Variants in MINDY1 observed in about 807,000 individuals in gnomAD.
MINDY1 encodes the protein MINDY lysine 48 deubiquitinase 1, also known as ubiquitin carboxyl-terminal hydrolase MINDY-1.
MINDY1 carries 50 observed loss-of-function variants against 53.6 expected under a neutral mutation model. That is an observed-to-expected ratio of 0.93 (90% confidence interval 0.74 to 1.18). The LOEUF is 1.18. Among genes scored for constraint, MINDY1 ranks in the 50% most tolerant of loss-of-function variants. The pLI is 0.00. For synonymous variants in MINDY1, 231 were observed against 234.7 expected (o/e 0.98, Z 0.14); for missense variants, 484 against 578.6 (o/e 0.84, Z 1.68).
Position 150,999,292 on chromosome 1 carries a change from G to T in MINDY1, c.981+77C>A. 2.5e-6 allele frequency: 4 copies of T among 1,583,366 alleles called. No individual in the cohort carries two copies. Among genetic ancestry groups the T allele is most frequent in the Non-Finnish European group, 3.4e-6 (4 of 1,160,108 alleles). On this transcript the variant is annotated intron_variant, in intron 7 of 9. Transcript: ENST00000683666. This position sits in a 1 kb window ranked among gnomAD's most constrained non-coding sequence, Gnocchi z 4.4. ...CTTGCTACCACGGCTTAATCTAGCT[G>T]ATCCCAGCTGGACCCACGAGAAAAA...
In MINDY1 at chr1:151,006,623, G is replaced by A. The variant is rs939155337; in HGVS notation, c.-401C>T. ...CGCCGAGTCTATGGCATGCGCTCCGGGCCCTGACTACAAGCTGGTTTTCAA... is the reference window on the plus strand; with the variant it reads ...CGCCGAGTCTATGGCATGCGCTCCGAGCCCTGACTACAAGCTGGTTTTCAA... On this transcript the variant is annotated 5_prime_UTR_variant, in exon 1 of 10. Coordinates refer to ENST00000683666, the MANE Select transcript of MINDY1 (RefSeq NM_001376665.1). The A allele has an allele frequency of 2.0e-6, 2 of 987,870 alleles. No individual in the cohort carries two copies. Among genetic ancestry groups the A allele is most frequent in the African/African-American group, 1.7e-5 (1 of 57,302 alleles). The allele number at this position is 987,870 out of a possible 1,614,324, so 61.2% of individuals were successfully genotyped here. A position where few individuals can be genotyped will look rare whatever the true frequency, so the allele number is the denominator to read the frequency against.
chr1:151,006,613 A>G lies in MINDY1; in HGVS notation c.-391T>C, dbSNP rs927414146. 1.2e-5 allele frequency: 12 copies of G among 988,960 alleles called. No individual in the cohort carries two copies. Among genetic ancestry groups the G allele is most frequent in the Non-Finnish European group, 1.4e-5 (12 of 832,366 alleles). 61.3% of individuals were successfully genotyped at this position (988,960 alleles called of 1,614,324 possible). A position where few individuals can be genotyped will look rare whatever the true frequency, so the allele number is the denominator to read the frequency against. On this transcript the variant is annotated 5_prime_UTR_variant, in exon 1 of 10. It removes an upstream start codon present in the reference 5' UTR. Coordinates refer to ENST00000683666, the MANE Select transcript of MINDY1 (RefSeq NM_001376665.1). ...ATTCCTGAGTCGCCGAGTCTATGGCATGCGCTCCGGGCCCTGACTACAAGC... is the reference window on the plus strand; with the variant it reads ...ATTCCTGAGTCGCCGAGTCTATGGCGTGCGCTCCGGGCCCTGACTACAAGC...
Position 150,999,812 on chromosome 1 carries a change from T to G in MINDY1, c.838+50A>C. On this transcript the variant is annotated intron_variant, in intron 6 of 9. Coordinates refer to ENST00000683666, the MANE Select transcript of MINDY1 (RefSeq NM_001376665.1). This position sits in a 1 kb window ranked among gnomAD's most constrained non-coding sequence, Gnocchi z 4.4. ...ACACCCAATAAAAAATAAGCCTAAG[T>G]AGCTGTCATTCCCTCCACATACTAT... is the stretch of plus-strand genomic sequence containing the variant. 1 of 1,509,180 alleles carries G rather than the reference T, an allele frequency of 6.6e-7. No individual in the cohort carries two copies. Among genetic ancestry groups the G allele is most frequent in the Non-Finnish European group, 9.2e-7 (1 of 1,086,990 alleles). The allele number at this position is 1,509,180 out of a possible 1,614,324, so 93.5% of individuals were successfully genotyped here.
In MINDY1 at chr1:151,002,357, T is replaced by A; in HGVS notation, c.261A>T (p.Glu87Asp). ...TGGAGCATGCCCTTATTGTCTCTACTTCAGGCAGTGTCCCAAGGGTTGGCC... is the reference window on the plus strand; with the variant it reads ...TGGAGCATGCCCTTATTGTCTCTACATCAGGCAGTGTCCCAAGGGTTGGCC... The part of the protein sequence containing the change: ...PPGPTLGTLP[E>D]VETIRACSMP... The change falls in exon 2 of 10, where the codon GAA (glutamate) becomes GAT (aspartate). Residue 87 changes from glutamate (E) to aspartate (D), a missense_variant. Physicochemically the swap from Glu to Asp is conservative, Grantham distance 45. Coordinates refer to ENST00000683666, the MANE Select transcript of MINDY1 (RefSeq NM_001376665.1). The surrounding 1 kb of genome is among the most constrained non-coding windows in gnomAD (Gnocchi z 4.1). 1 of 1,614,178 alleles carries A rather than the reference T, an allele frequency of 6.2e-7. No homozygotes were observed. The highest frequency in any genetic ancestry group is 8.5e-7 in the Non-Finnish European group (1 of 1,180,014).
chr1:150,997,879 GCT>G, intron 8 of MINDY1, 100 bp from the exon 9 acceptor site: 2 of 1,335,570 alleles, frequency 1.5e-6, no homozygotes, highest in Non-Finnish European at 2.0e-6. Context: ...AAATTCTCTA[GCT>G]CTTTCTCCCC....
At chr1:151,000,147 T>C (rs1672381460) in intron 5 of MINDY1, among the ~76,000 whole-genome samples, 183 bp from the exon 6 acceptor site, 2 of 152,104 alleles carry the variant, frequency 1.3e-5, no homozygotes, top group Admixed American at 6.5e-5. Context: ...AGGGTTGCTA[T>C]GTTGCCCAGA....
chr1:151,005,848 G>C (rs1040672776), intron 1 of MINDY1, among the ~76,000 whole-genome samples: 1 of 152,184 alleles, frequency 6.6e-6, no homozygotes, highest in African/African-American at 2.4e-5. Flanking sequence ...CTGGAATTAT[G>C]GTGGTGAGTG....
upstream of MINDY1, chr1:151,008,105 G>T: frequency 2.2e-6 from 1 of 459,092 alleles, no homozygotes; most frequent in Non-Finnish European, 2.9e-6. Flanking sequence ...GGCAGAATTT[G>T]TAGAAAGAAG....
At chr1:151,003,720 A>G (rs1014891458) in intron 1 of MINDY1, among the ~76,000 whole-genome samples, 3 of 151,298 alleles carry the variant, frequency 2.0e-5, no homozygotes, top group African/African-American at 7.3e-5. Context: ...CCCAGTAAGC[A>G]TCTCTTGACA....
rs1558050865 is a variant in MINDY1 at position 150,999,119 on chromosome 1, A to G, written c.981+250T>C. On this transcript the variant is annotated intron_variant, in intron 7 of 9. Coordinates refer to ENST00000683666, the MANE Select transcript of MINDY1 (RefSeq NM_001376665.1). The surrounding 1 kb of genome is among the most constrained non-coding windows in gnomAD (Gnocchi z 4.4). ...AGTGCCCCTCTCTCTCTCTGTTCCC[A>G]CATATATTCCAGATAAAGGATCTTT... Among the ~76,000 whole-genome samples the G allele has an allele frequency of 6.6e-6, 1 of 152,078 alleles. No individual in the cohort carries two copies. The highest frequency in any genetic ancestry group is 1.5e-5 in the Non-Finnish European group (1 of 68,008).
chr1:151,006,537 G>A lies in MINDY1; in HGVS notation c.-315C>T. On this transcript the variant is annotated 5_prime_UTR_variant, in exon 1 of 10. Transcript: ENST00000683666. ...CTGGGGGCACTGGAGGAGGGTGAAG[G>A]CAGGCAGGGACACAGCCAAGGTGCT... 9.9e-7 allele frequency: 1 copy of A among 1,005,944 alleles called. No individual in the cohort carries two copies. Among genetic ancestry groups the A allele is most frequent in the Non-Finnish European group, 1.2e-6 (1 of 843,260 alleles). The allele number at this position is 1,005,944 out of a possible 1,614,324, so 62.3% of individuals were successfully genotyped here. A position where few individuals can be genotyped will look rare whatever the true frequency, so the allele number is the denominator to read the frequency against.
Position 151,006,288 on chromosome 1 carries a change from A to G in MINDY1, c.-90+24T>C, listed in dbSNP as rs905019708. 5 of 1,430,522 alleles carry G rather than the reference A, an allele frequency of 3.5e-6. No homozygotes were observed. The African/African-American group carries it at 7.2e-5, about 21-fold the overall frequency. The allele number at this position is 1,430,522 out of a possible 1,614,324, so 88.6% of individuals were successfully genotyped here. ...AGAAGGGTGGGAGAAGAGGTGAAGA[A>G]GATGATTAAAATAAAGTTTTTACCT... On this transcript the variant is annotated intron_variant, in intron 1 of 9. Coordinates refer to ENST00000683666, the MANE Select transcript of MINDY1 (RefSeq NM_001376665.1).
At chr1:151,001,831 T>A (rs1213818320) in intron 2 of MINDY1, 49 bp from the exon 3 acceptor site, 1 of 1,558,194 alleles carries the variant, frequency 6.4e-7, no homozygotes, top group Non-Finnish European at 8.6e-7. Context: ...CAAAGAGCAC[T>A]GAAGGAAGAA....
At chr1:151,003,850 T>C (rs1672837857) in intron 1 of MINDY1, among the ~76,000 whole-genome samples, 1 of 152,228 alleles carries the variant, frequency 6.6e-6, no homozygotes, top group African/African-American at 2.4e-5. Context: ...ATTATTAATT[T>C]ACATAACAAT....
In MINDY1 at chr1:150,997,723, A is replaced by G. The variant is rs150693226; in HGVS notation, c.1230T>C (p.Leu410=). 6.2e-7 allele frequency: 1 copy of G among 1,613,944 alleles called. No individual in the cohort carries two copies. Among genetic ancestry groups the G allele is most frequent in the Admixed American group, 1.7e-5 (1 of 60,030 alleles). The change falls in exon 9 of 10, where the codon CTT becomes CTC. Residue 410 remains leucine, a synonymous_variant. Coordinates refer to ENST00000683666, the MANE Select transcript of MINDY1 (RefSeq NM_001376665.1). The stretch of plus-strand genomic sequence containing the variant: ...GCTGCTGGGCCAGCTCCAAGTCGGT[A>G]AGCCCCAGCGGGCCTCGTGGCTGTT... ...QQQQPRGPLG[L]TDLELAQQLQ...
chr1:150,999,859 C>T lies in MINDY1; in HGVS notation c.838+3G>A. The T allele has an allele frequency of 1.2e-6, 2 of 1,612,972 alleles. No individual in the cohort carries two copies. The highest frequency in any genetic ancestry group is 1.7e-6 in the Non-Finnish European group (2 of 1,179,120). On this transcript the variant is annotated splice_donor_region_variant and intron_variant, in intron 6 of 9. Coordinates refer to ENST00000683666, the MANE Select transcript of MINDY1 (RefSeq NM_001376665.1). The surrounding 1 kb of genome is among the most constrained non-coding windows in gnomAD (Gnocchi z 4.4). ...CTATCCATGAGAAGGGGAGGAATGT[C>T]ACCTTCTGTCACGAGGTTGGTGTCA...
chr1:151,001,431 T>C, intron 3 of MINDY1, 117 bp from the exon 4 acceptor site: 1 of 1,214,080 alleles, frequency 8.2e-7, no homozygotes, highest in Admixed American at 2.1e-5. Flanking sequence ...AGCTGGAAAA[T>C]ACTTAGAGTC....
chr1:151,004,623 G>A (rs978958392), intron 1 of MINDY1, among the ~76,000 whole-genome samples: 21 of 151,908 alleles, frequency 1.4e-4, no homozygotes, highest in African/African-American at 4.4e-4. Context: ...ACAGCTGCTC[G>A]GGAGGCTGAG....
upstream of MINDY1, chr1:151,007,033 C>T (rs1394259330): frequency 3.7e-6 from 1 of 269,602 alleles, no homozygotes; most frequent in Non-Finnish European, 5.7e-6. Flanking sequence ...GAAGCAGGAG[C>T]AAAGAGCACG....
Sources: allele counts gnomAD v4.1 joint callset (sites outside exome capture counted in the v4.1 genomes callset), GRCh38; gene constraint gnomAD v4.1.1; non-coding constraint Gnocchi (gnomAD v3.1); transcripts MANE v1.5; gene names NCBI Gene and HGNC (gene_info 2026-07-23, HGNC 2026-07-21).